Variants in PKP2 observed in about 807,000 individuals in gnomAD.
The protein encoded by PKP2 is plakophilin-2.
Under a neutral mutation model 83.4 loss-of-function variants are expected in PKP2, and 73 were observed. The observed-to-expected ratio is 0.88, with a 90% CI of 0.72 to 1.06. PKP2 has a LOEUF of 1.06. Among genes scored for constraint, PKP2 ranks in the 50% least tolerant of loss-of-function variants. The pLI, the probability that PKP2 is intolerant of heterozygous loss-of-function variation, is 0.00. For synonymous variants in PKP2, 409 were observed against 430.4 expected (o/e 0.95, Z 0.62); for missense variants, 966 against 1,065.4 (o/e 0.91, Z 1.30).
At chr12:32,812,113 T>G (rs991836145) in intron 9 of PKP2, among the ~76,000 whole-genome samples, 3 of 13,586 alleles carry the variant, frequency 2.2e-4, no homozygotes, top group Non-Finnish European at 8.8e-4. Flanking sequence ...GCTGGGAGGG[T>G]TTTTTTTTTT....
intron 1 of PKP2, among the ~76,000 whole-genome samples, chr12:32,887,582 T>C (rs1957040939): frequency 6.6e-6 from 1 of 152,144 alleles, no homozygotes; most frequent in Non-Finnish European, 1.5e-5. Flanking sequence ...GCCTTCCGAG[T>C]AGCTGGACTA....
At chr12:32,843,366 C>A in intron 5 of PKP2, 1 of 1,339,882 alleles carries the variant, frequency 7.5e-7, no homozygotes. Flanking sequence ...CCTTTATGAA[C>A]ACAGCAAATG....
intron 1 of PKP2, among the ~76,000 whole-genome samples, chr12:32,879,656 C>T (rs943211814): frequency 1.3e-5 from 2 of 151,450 alleles, no homozygotes; most frequent in African/African-American, 4.9e-5. Flanking sequence ...TGGTGAAAGC[C>T]CCTCTCTACT....
chr12:32,889,489 C>T (rs887300736), intron 1 of PKP2, among the ~76,000 whole-genome samples: 1 of 152,184 alleles, frequency 6.6e-6, no homozygotes, highest in Non-Finnish European at 1.5e-5. Flanking sequence ...CTTACACTAC[C>T]ACTTCTAGCA....
intron 10 of PKP2, among the ~76,000 whole-genome samples, chr12:32,802,058 C>G (rs763611301): frequency 6.6e-6 from 1 of 152,034 alleles, no homozygotes; most frequent in Non-Finnish European, 1.5e-5. Flanking sequence ...TGAAAGACAA[C>G]TATATGGATT....
At chr12:32,811,204 A>G (rs1956274434) in intron 9 of PKP2, among the ~76,000 whole-genome samples, 1 of 152,198 alleles carries the variant, frequency 6.6e-6, no homozygotes, top group Non-Finnish European at 1.5e-5. Context: ...CTCCTTGAAA[A>G]CAGTGAGGAC....
intron 9 of PKP2, among the ~76,000 whole-genome samples, chr12:32,809,502 CT>C (rs1243599625): frequency 6.6e-6 from 1 of 152,208 alleles, no homozygotes; most frequent in East Asian, 1.9e-4. Flanking sequence ...GACAGTGGGA[CT>C]TAACTTGTGA....
At chr12:32,813,332 AG>A (rs1956293720) in intron 9 of PKP2, among the ~76,000 whole-genome samples, 1 of 152,246 alleles carries the variant, frequency 6.6e-6, no homozygotes, top group Non-Finnish European at 1.5e-5. Flanking sequence ...ATTGGGAAGT[AG>A]AATCATTTCA....
intron 4 of PKP2, among the ~76,000 whole-genome samples, chr12:32,852,769 G>A (rs1956711548): frequency 6.6e-6 from 1 of 152,076 alleles, no homozygotes; most frequent in Non-Finnish European, 1.5e-5. Context: ...TGTGTCTAAA[G>A]CCATTTAAAT....
intron 9 of PKP2, among the ~76,000 whole-genome samples, chr12:32,804,407 T>G (rs568527065): frequency 4.6e-5 from 7 of 152,170 alleles, no homozygotes. Context: ...TCCAATCACC[T>G]AGGTATTAAG....
intron 9 of PKP2, among the ~76,000 whole-genome samples, chr12:32,804,891 T>C (rs1280357284): frequency 6.6e-6 from 1 of 152,234 alleles, no homozygotes; most frequent in Non-Finnish European, 1.5e-5. Flanking sequence ...TTCTCCACAA[T>C]GGTTGAACTA....
rs771293688 is a variant in PKP2, at chr12:32,868,991, C to T, written c.1106G>A (p.Arg369Lys). The stretch of plus-strand genomic sequence containing the variant: ...TATGAAAGTAGCTGCAGCAGAAATC[C>T]TGGATGGCAGCATGTGGTCTGCCTC... ...MLEADHMLPS[R>K]ISAAATFIQH... is the part of the protein sequence containing the mutation. Residue 369 changes from arginine to lysine, a missense_variant, in exon 4 of 13, where the codon AGG (arginine) becomes AAG (lysine). Physicochemically the swap from Arg to Lys is conservative, Grantham distance 26 (BLOSUM62 2). Transcript: ENST00000340811. 2 of 1,614,002 alleles carry T rather than the reference C, an allele frequency of 1.2e-6. No homozygotes were observed. Among genetic ancestry groups the T allele is most frequent in the South Asian group, 2.2e-5 (2 of 91,078 alleles).
intron 5 of PKP2, among the ~76,000 whole-genome samples, chr12:32,848,842 T>C (rs1441615716): frequency 2.0e-5 from 3 of 152,008 alleles, no homozygotes; most frequent in Non-Finnish European, 4.4e-5. Flanking sequence ...ATAAAGCGAG[T>C]AGAGATAACA....
intron 9 of PKP2, among the ~76,000 whole-genome samples, chr12:32,804,810 T>C (rs149313821): frequency 0.2 from 29,754 of 152,192 alleles, 3,586 homozygotes; most frequent in East Asian, 0.56. Flanking sequence ...CCTTTGGGTA[T>C]ATACCCAATA....
chr12:32,824,361 C>A lies in PKP2; in HGVS notation c.1557-199G>T. 8.6e-6 allele frequency: 5 copies of A among 583,248 alleles called. 1 individual carries two copies. In the South Asian group the frequency reaches 9.9e-5, roughly 12 times the overall value. The allele number at this position is 583,248 out of a possible 1,614,324, so 36.1% of individuals were successfully genotyped here. A position where few individuals can be genotyped will look rare whatever the true frequency, so the allele number is the denominator to read the frequency against. On this transcript the variant is annotated intron_variant, in intron 6 of 12. Transcript: ENST00000340811. ...AACATACTTTCTAAATATTTCCAAA[C>A]AACACGTAATTGTGTCATAAGTCTT...
chr12:32,793,321 A>G (rs1041538321), intron 11 of PKP2, among the ~76,000 whole-genome samples: 2 of 152,164 alleles, frequency 1.3e-5, no homozygotes, highest in South Asian at 2.1e-4. Flanking sequence ...ATCTTTAGAT[A>G]TGTTATAAAT....
Position 32,796,165 on chromosome 12 carries a change from G to A in PKP2, c.2301C>T (p.Arg767=), listed in dbSNP as rs369166666. ...GGATGCCCCCGGTGTTTAGAAGGTC[G>A]CGTGCATTCTGGTAACTGTTTTGGA... ...NIIQNSYQNA[R]DLLNTGGIQK... is the part of the protein sequence containing the mutation. The change falls in exon 11 of 13, where the codon CGC becomes CGT. Residue 767 remains arginine, a synonymous_variant. Coordinates refer to ENST00000340811, the MANE Select transcript of PKP2 (RefSeq NM_001005242.3). 43 of 1,614,068 alleles carry A rather than the reference G, an allele frequency of 2.7e-5. No individual in the cohort carries two copies. In the African/African-American group the frequency reaches 3.5e-4, roughly 13 times the overall value.
rs535635076 is a variant in PKP2 at position 32,847,931 on chromosome 12, T to TA, written c.1378+2834dup. 4.7e-4 allele frequency among the ~76,000 whole-genome samples: 71 copies of TA among 151,598 alleles called. 1 individual carries two copies. The South Asian group carries it at 0.013, about 28-fold the overall frequency. On this transcript the variant is annotated intron_variant, in intron 5 of 12. Transcript: ENST00000340811. ...GCAGCACAGCGAGATCCCCATCCTTTAAAAAAAACAAAAACAAAAAAACCC... is the reference window on the plus strand; with the variant it reads ...GCAGCACAGCGAGATCCCCATCCTTTAAAAAAAAACAAAAACAAAAAAACCC...
rs193922672 is a variant in PKP2 at position 32,841,103 on chromosome 12, C to T, written c.1481G>A (p.Trp494Ter). ...TENIIIPFSG[W>*]PEGDYPKANG... ...TGCTTTTGGGTAGTCTCCTTCAGGC[C>T]ACCCAGAAAAGGGGATGATGATATT... is the stretch of plus-strand genomic sequence containing the variant. The change falls in exon 6 of 13, where the codon TGG becomes TAG. Residue 494 changes from tryptophan (W) to a stop codon, truncating the protein, a stop_gained. Transcript: ENST00000340811. LOFTEE classifies it high-confidence loss of function. 2.5e-6 allele frequency: 4 copies of T among 1,613,054 alleles called. No homozygotes were observed.
Sources: allele counts gnomAD v4.1 joint callset (sites outside exome capture counted in the v4.1 genomes callset), GRCh38; gene constraint gnomAD v4.1.1; transcripts MANE v1.5; gene names NCBI Gene and HGNC (gene_info 2026-07-23, HGNC 2026-07-21).